Variants in AFF3 observed in about 807,000 individuals in gnomAD.
AFF3 encodes the protein ALF transcription elongation factor 3.
In AFF3, 32 loss-of-function variants were observed where a neutral mutation model predicts 129.7. The observed-to-expected ratio is 0.25, with a 90% CI of 0.19 to 0.33. AFF3 has a LOEUF of 0.33. AFF3 is among the 10% of genes least tolerant of loss of function. The probability of loss-of-function intolerance (pLI) is 1.00; values close to 1 mark genes in which losing one functional copy is unlikely to be tolerated. For synonymous variants in AFF3, 644 were observed against 635.4 expected, an observed-to-expected ratio of 1.01 and a Z score of -0.20; for missense variants, 1,373 against 1,592.0, an observed-to-expected ratio of 0.86 and a Z score of 2.34.
rs184588610 is a variant in AFF3, at chr2:99,705,044, A to C, written c.1091+22033T>G. On this transcript the variant is annotated intron_variant, in intron 11 of 24. Coordinates refer to ENST00000672756, the MANE Select transcript of AFF3 (RefSeq NM_001386135.1). ...AAGGCTGAACCCTGGTAGGAATATC[A>C]AGAGGATATAGTAGGATGGCAGCAA... Among the ~76,000 whole-genome samples, 613 of 152,292 alleles carry C rather than the reference A, an allele frequency of 4.0e-3. 5 individuals carry two copies. The highest frequency in any genetic ancestry group is 0.014 in the African/African-American group (590 of 41,564).
At position 99,550,250 on chromosome 2, in the gene AFF3, A is replaced by AC. The variant is rs1162182632; in HGVS notation, c.*1223dup. The stretch of plus-strand genomic sequence containing the variant: ...TGTAAACATACCAGACACACAGGAC[A>AC]CAGGAAGAGGCTCTGGTTGCTGCTG... On this transcript the variant is annotated 3_prime_UTR_variant, in exon 25 of 25. Coordinates refer to ENST00000672756, the MANE Select transcript of AFF3 (RefSeq NM_001386135.1). The AC allele has an allele frequency of 4.3e-6, 1 of 231,346 alleles. No homozygotes were observed. The highest frequency in any genetic ancestry group is 8.6e-6 in the Non-Finnish European group (1 of 116,796). The allele number at this position is 231,346 out of a possible 1,614,324, so 14.3% of individuals were successfully genotyped here. A position where few individuals can be genotyped will look rare whatever the true frequency, so the allele number is the denominator to read the frequency against.
At chr2:99,625,450 A>G (rs1313664542) in intron 13 of AFF3, among the ~76,000 whole-genome samples, 1 of 152,168 alleles carries the variant, frequency 6.6e-6, no homozygotes, top group African/African-American at 2.4e-5. Context: ...GGTGCTGAGC[A>G]TGTCTGGTGC....
At chr2:99,785,198 G>A (rs181995327) in intron 8 of AFF3, among the ~76,000 whole-genome samples, 25 of 152,248 alleles carry the variant, frequency 1.6e-4, no homozygotes, top group African/African-American at 6.0e-4. Context: ...ATCGAACTCT[G>A]GCAAAGCCAC....
At chr2:100,008,226 G>A (rs902111988) in intron 5 of AFF3, among the ~76,000 whole-genome samples, 1 of 152,176 alleles carries the variant, frequency 6.6e-6, no homozygotes, top group African/African-American at 2.4e-5. Flanking sequence ...AGATGTCAAT[G>A]TGAAGCTTAA....
In AFF3 at chr2:100,006,593, CT is replaced by C. The variant is rs1440829840; in HGVS notation, c.873+38del. 1.9e-6 allele frequency: 3 copies of C among 1,547,588 alleles called. 1 individual carries two copies. In the South Asian group the frequency reaches 3.6e-5, roughly 19 times the overall value. ...ACGAGGGTCAAATTGTCACTTGTAA[CT>C]ATGCAGTTGCATGTGAACGGTGCTG... On this transcript the variant is annotated intron_variant, in intron 7 of 24. Coordinates refer to ENST00000672756, the MANE Select transcript of AFF3 (RefSeq NM_001386135.1).
intron 13 of AFF3, among the ~76,000 whole-genome samples, chr2:99,643,055 A>ATTTTTTTTTTTTTTTTTTTTTTTTTTTT (rs34572652): frequency 9.9e-6 from 1 of 100,864 alleles, no homozygotes; most frequent in Non-Finnish European, 1.9e-5. Context: ...TACTTAAAAG[A>ATTTTTTTTTTTTTTTTTTTTTTTTTTTT]TTTTTTTTTT....
At chr2:99,596,961 G>C (rs1679349521) in intron 14 of AFF3, among the ~76,000 whole-genome samples, 1 of 152,146 alleles carries the variant, frequency 6.6e-6, no homozygotes, top group Non-Finnish European at 1.5e-5. Context: ...TCTAAGGGGG[G>C]CGTTTAAGGG....
chr2:100,093,718 C>T (rs1156513130), intron 4 of AFF3, among the ~76,000 whole-genome samples: 3 of 152,090 alleles, frequency 2.0e-5, no homozygotes, highest in East Asian at 1.9e-4. Flanking sequence ...CTCTCCTGCA[C>T]GTAGACATGC....
At chr2:99,564,647 A>C (rs1003310813) in intron 20 of AFF3, among the ~76,000 whole-genome samples, 1 of 152,218 alleles carries the variant, frequency 6.6e-6, no homozygotes, top group Non-Finnish European at 1.5e-5. Flanking sequence ...TCTTTGGGCC[A>C]ATGTAGACCA....
At chr2:99,609,961 A>C (rs536740016) in intron 13 of AFF3, among the ~76,000 whole-genome samples, 1 of 152,292 alleles carries the variant, frequency 6.6e-6, no homozygotes, top group Non-Finnish European at 1.5e-5. Flanking sequence ...CCAACCTTAC[A>C]ACATTCCATG....
chr2:99,971,295 C>T (rs1006226985), intron 7 of AFF3, among the ~76,000 whole-genome samples: 1 of 152,182 alleles, frequency 6.6e-6, no homozygotes, highest in Non-Finnish European at 1.5e-5. Flanking sequence ...CTAATTCACA[C>T]ATTTCCAATT....
intron 13 of AFF3, among the ~76,000 whole-genome samples, chr2:99,607,801 G>A (rs1244517688): frequency 6.6e-6 from 1 of 152,204 alleles, no homozygotes; most frequent in African/African-American, 2.4e-5. Context: ...AACACTCTTT[G>A]AGAACACATG....
chr2:99,829,696 T>C (rs1268285998), intron 8 of AFF3, among the ~76,000 whole-genome samples: 1 of 152,234 alleles, frequency 6.6e-6, no homozygotes, highest in Non-Finnish European at 1.5e-5. Flanking sequence ...TATAAATTAT[T>C]TCAACCATTG....
chr2:99,879,401 T>A (rs75501216), intron 7 of AFF3, among the ~76,000 whole-genome samples: 1,840 of 152,254 alleles, frequency 0.012, 41 homozygotes, highest in African/African-American at 0.042. Flanking sequence ...TCCTAGTAGC[T>A]CCATAAACGT....
At chr2:99,791,729 A>T (rs976318197) in intron 8 of AFF3, among the ~76,000 whole-genome samples, 20 of 152,214 alleles carry the variant, frequency 1.3e-4, no homozygotes, top group African/African-American at 4.6e-4. Context: ...TTTCCAGACA[A>T]GGCTGAAAAA....
Position 99,757,897 on chromosome 2 carries a change from C to T in AFF3, c.922-5596G>A, listed in dbSNP as rs148007345. Reference sequence around the variant, plus strand: ...ACCTTCCTTTGTGCCACATTTCCCACGTACAGGTCTCTTTTAGAACACTTG... The same window carrying T: ...ACCTTCCTTTGTGCCACATTTCCCATGTACAGGTCTCTTTTAGAACACTTG... On this transcript the variant is annotated intron_variant, in intron 8 of 24. Coordinates refer to ENST00000672756, the MANE Select transcript of AFF3 (RefSeq NM_001386135.1). Among the ~76,000 whole-genome samples the T allele has an allele frequency of 5.7e-4, 87 of 152,278 alleles. 1 individual carries two copies. The highest frequency in any genetic ancestry group is 2.0e-3 in the African/African-American group (85 of 41,558).
chr2:99,851,677 C>A (rs1690151416), intron 7 of AFF3, among the ~76,000 whole-genome samples: 1 of 152,190 alleles, frequency 6.6e-6, no homozygotes, highest in Non-Finnish European at 1.5e-5. Context: ...CCCCCTTTCA[C>A]AGAAACTCTA....
intron 11 of AFF3, among the ~76,000 whole-genome samples, chr2:99,679,837 T>A (rs1298374219): frequency 6.6e-6 from 1 of 152,174 alleles, no homozygotes; most frequent in Non-Finnish European, 1.5e-5. Context: ...CTATATATCC[T>A]CTTATTGGTC....
At chr2:99,858,353 C>T (rs1690681295) in intron 7 of AFF3, among the ~76,000 whole-genome samples, 3 of 147,748 alleles carry the variant, frequency 2.0e-5, no homozygotes, top group African/African-American at 5.0e-5. Flanking sequence ...GGAGACCAGC[C>T]TGAGCAATGT....
Sources: allele counts gnomAD v4.1 joint callset (sites outside exome capture counted in the v4.1 genomes callset), GRCh38; gene constraint gnomAD v4.1.1; transcripts MANE v1.5; gene names NCBI Gene and HGNC (gene_info 2026-07-23, HGNC 2026-07-21).